Variants in UNC5C observed in about 807,000 individuals in gnomAD.
UNC5C encodes unc-5 netrin receptor C, also known as netrin receptor UNC5C.
UNC5C carries 47 observed loss-of-function variants against 99.8 expected under a neutral mutation model. That is an observed-to-expected ratio of 0.47 (90% CI 0.37 to 0.60). The LOEUF (loss-of-function observed/expected upper bound fraction) is 0.60, where lower values mean the gene tolerates loss of function less well. Ranked by LOEUF, UNC5C falls within the 20% of genes least tolerant of loss-of-function variation. The probability of loss-of-function intolerance (pLI) is 0.00; values close to 1 mark genes in which losing one functional copy is unlikely to be tolerated. For missense variants in UNC5C, 1,062 were observed against 1,165.9 expected, an observed-to-expected ratio of 0.91 and a Z score of 1.30; for synonymous variants, 487 against 452.2, an observed-to-expected ratio of 1.08 and a Z score of -0.98.
chr4:95,370,633 CCTT>C (rs769631887), intron 1 of UNC5C, among the ~76,000 whole-genome samples: 3 of 152,254 alleles, frequency 2.0e-5, no homozygotes, highest in Non-Finnish European at 2.9e-5. Context: ...GTTTTGTTAA[CCTT>C]CTTTTGCTCA....
At chr4:95,321,531 TTA>T (rs1742692336) in intron 2 of UNC5C, among the ~76,000 whole-genome samples, 1 of 152,136 alleles carries the variant, frequency 6.6e-6, no homozygotes, top group Non-Finnish European at 1.5e-5. Context: ...GCAGCTGAGT[TTA>T]TGTTGGCCAT....
At chr4:95,363,656 C>T (rs750348143) in intron 1 of UNC5C, among the ~76,000 whole-genome samples, 9 of 152,036 alleles carry the variant, frequency 5.9e-5, no homozygotes, top group Non-Finnish European at 1.0e-4. Flanking sequence ...TGAAACAGTG[C>T]CAAGTTAGTT....
chr4:95,275,039 C>CAAAACAAAACAAAAA (rs1175085671), intron 4 of UNC5C, among the ~76,000 whole-genome samples: 9 of 151,988 alleles, frequency 5.9e-5, no homozygotes, highest in Admixed American at 4.6e-4. Flanking sequence ...CAAAACAAAA[C>CAAAACAAAACAAAAA]AAAACAAAAC....
At chr4:95,538,580 A>G (rs543488485) in intron 1 of UNC5C, among the ~76,000 whole-genome samples, 15 of 152,328 alleles carry the variant, frequency 9.8e-5, no homozygotes, top group African/African-American at 3.6e-4. Flanking sequence ...AGTGCACTAC[A>G]TATTTCACTA....
rs1023226259 is a variant in UNC5C, at chr4:95,169,515, G to A, written c.2631-116C>T. 6 of 1,151,800 alleles carry A rather than the reference G, an allele frequency of 5.2e-6. No homozygotes were observed. In the Admixed American group the frequency reaches 1.4e-4, roughly 27 times the overall value. 71.3% of individuals were successfully genotyped at this position (1,151,800 alleles called of 1,614,324 possible). A position where few individuals can be genotyped will look rare whatever the true frequency, so the allele number is the denominator to read the frequency against. ...TAAGTTTCCTGGTCCCATTGTGGCT[G>A]ACAGTGAGCCATCCTAAATAACTAG... On this transcript the variant is annotated intron_variant, in intron 15 of 15. Transcript: ENST00000453304.
At chr4:95,396,521 G>A (rs760807398) in intron 1 of UNC5C, among the ~76,000 whole-genome samples, 6 of 152,122 alleles carry the variant, frequency 3.9e-5, no homozygotes, top group Admixed American at 2.0e-4. Context: ...GACAGGGATG[G>A]CTTGAACCCG....
intron 7 of UNC5C, 122 bp downstream of exon 7, chr4:95,242,307 G>C: frequency 7.4e-7 from 1 of 1,346,254 alleles, no homozygotes; most frequent in Non-Finnish European, 1.0e-6. Context: ...CTAGAATATT[G>C]CTATGTTATT....
At chr4:95,439,736 G>A (rs1276067606) in intron 1 of UNC5C, among the ~76,000 whole-genome samples, 1 of 152,108 alleles carries the variant, frequency 6.6e-6, no homozygotes, top group Non-Finnish European at 1.5e-5. Flanking sequence ...ATGTCAATTT[G>A]GATTTGCTTA....
intron 14 of UNC5C, among the ~76,000 whole-genome samples, chr4:95,175,569 GC>G (rs1736305507): frequency 6.6e-6 from 1 of 152,044 alleles, no homozygotes; most frequent in Non-Finnish European, 1.5e-5. Flanking sequence ...TTGAATATTG[GC>G]CCCCACTCCC....
At chr4:95,414,921 T>C (rs1417510008) in intron 1 of UNC5C, among the ~76,000 whole-genome samples, 3 of 152,242 alleles carry the variant, frequency 2.0e-5, no homozygotes. Flanking sequence ...GAGATTATTG[T>C]GACCTTTCTT....
rs190415815 is a variant in UNC5C at position 95,188,067 on chromosome 4, A to G, written c.2137-2871T>C. 8.7e-4 allele frequency among the ~76,000 whole-genome samples: 132 copies of G among 152,340 alleles called. 1 individual carries two copies. Among genetic ancestry groups the G allele is most frequent in the Non-Finnish European group, 7.2e-4 (49 of 68,038 alleles). ...AAATATACATAAAATTTAAAAATAC[A>G]TAAGATCCTGTATTAATCTGTCTTA... is the stretch of plus-strand genomic sequence containing the variant. On this transcript the variant is annotated intron_variant, in intron 12 of 15. Coordinates refer to ENST00000453304, the MANE Select transcript of UNC5C (RefSeq NM_003728.4).
chr4:95,471,314 T>G (rs947721161), intron 1 of UNC5C, among the ~76,000 whole-genome samples: 2 of 152,098 alleles, frequency 1.3e-5, no homozygotes, highest in African/African-American at 4.8e-5. Context: ...TTCATGTAAG[T>G]GTACCAACAT....
In UNC5C at chr4:95,166,471, C is replaced by CA. The variant is rs1367500139; in HGVS notation, c.*2762dup. 1.3e-5 allele frequency: 2 copies of CA among 152,056 alleles called. No individual in the cohort carries two copies. Among genetic ancestry groups the CA allele is most frequent in the African/African-American group, 4.8e-5 (2 of 41,420 alleles). 9.4% of individuals were successfully genotyped at this position (152,056 alleles called of 1,614,324 possible). A position where few individuals can be genotyped will look rare whatever the true frequency, so the allele number is the denominator to read the frequency against. On this transcript the variant is annotated 3_prime_UTR_variant, in exon 16 of 16. Transcript: ENST00000453304. ...CTTTTCTGGTGGTGGGAAGTTGAAC[C>CA]AAAAAAGCATCTGAAGTGAACCCCA...
chr4:95,180,680 G>A (rs982630143), intron 14 of UNC5C, among the ~76,000 whole-genome samples: 1 of 152,158 alleles, frequency 6.6e-6, no homozygotes, highest in Non-Finnish European at 1.5e-5. Context: ...GACAGGACAG[G>A]CCAAGGGCTG....
At chr4:95,546,778 T>C (rs1723081230) in intron 1 of UNC5C, among the ~76,000 whole-genome samples, 1 of 152,232 alleles carries the variant, frequency 6.6e-6, no homozygotes, top group South Asian at 2.1e-4. Context: ...CCATTTACAA[T>C]CTGCTGTTTG....
intron 10 of UNC5C, among the ~76,000 whole-genome samples, chr4:95,209,704 G>A (rs1172933074): frequency 6.6e-6 from 1 of 152,088 alleles, no homozygotes; most frequent in African/African-American, 2.4e-5. Context: ...AACCCAATTT[G>A]TCCTTCTTCC....
At chr4:95,535,450 C>A (rs529402701) in intron 1 of UNC5C, among the ~76,000 whole-genome samples, 1 of 152,060 alleles carries the variant, frequency 6.6e-6, no homozygotes, top group Non-Finnish European at 1.5e-5. Context: ...AAGAATAAAA[C>A]GGCACAGCAA....
chr4:95,229,955 C>T (rs779627169), intron 7 of UNC5C, among the ~76,000 whole-genome samples: 2 of 151,766 alleles, frequency 1.3e-5, no homozygotes, highest in South Asian at 2.1e-4. Context: ...GGATTACAGT[C>T]GTCTGCCACC....
chr4:95,525,995 G>C (rs548408845), intron 1 of UNC5C, among the ~76,000 whole-genome samples: 1 of 152,204 alleles, frequency 6.6e-6, no homozygotes, highest in East Asian at 1.9e-4. Flanking sequence ...AAAGACTAAA[G>C]GTGCACAGGT....
Sources: allele counts gnomAD v4.1 joint callset (sites outside exome capture counted in the v4.1 genomes callset), GRCh38; gene constraint gnomAD v4.1.1; transcripts MANE v1.5; gene names NCBI Gene and HGNC (gene_info 2026-07-23, HGNC 2026-07-21).